Variants in STXBP5L observed in about 807,000 individuals in gnomAD.
The protein encoded by STXBP5L is syntaxin-binding protein 5-like.
STXBP5L carries 65 observed loss-of-function variants against 144.5 expected under a neutral mutation model. That is an observed-to-expected ratio of 0.45 (90% CI 0.37 to 0.55). STXBP5L has a LOEUF of 0.55. STXBP5L is among the 20% of genes least tolerant of loss of function. The pLI is 0.00. For synonymous variants in STXBP5L, 505 were observed against 469.6 expected, an observed-to-expected ratio of 1.08 and a Z score of -0.97; for missense variants, 1,298 against 1,405.5, an observed-to-expected ratio of 0.92 and a Z score of 1.22.
At chr3:121,045,614 C>A in intron 5 of STXBP5L, 79 bp downstream of exon 5, 4 of 1,219,294 alleles carry the variant, frequency 3.3e-6, no homozygotes, top group Non-Finnish European at 4.7e-6. Context: ...ACTTGACAGG[C>A]TTTTTTCCTC....
chr3:121,006,498 C>T (rs946879976), intron 3 of STXBP5L, among the ~76,000 whole-genome samples: 1 of 151,586 alleles, frequency 6.6e-6, no homozygotes, highest in South Asian at 2.1e-4. Context: ...GATCTTGACT[C>T]TATCCACTTT....
rs147451433 is a variant in STXBP5L at position 121,415,755 on chromosome 3, CTG to C, written c.3115-100_3115-99del. The C allele has an allele frequency of 6.2e-3, 3,891 of 626,086 alleles. 103 individuals are homozygous for C. Among genetic ancestry groups the C allele is most frequent in the African/African-American group, 0.061 (3,249 of 53,054 alleles). 38.8% of individuals were successfully genotyped at this position (626,086 alleles called of 1,614,324 possible). On this transcript the variant is annotated intron_variant, in intron 24 of 26. Transcript: ENST00000471454. ...ACCATGAAAATATATGAAAAGCAGA[CTG>C]TTTTTTCATGATGTGTCCTACTATA...
chr3:120,909,442 G>T, intron 1 of STXBP5L, 129 bp from the exon 2 acceptor site: 1 of 765,462 alleles, frequency 1.3e-6, no homozygotes. Flanking sequence ...TTTTTTTCCA[G>T]TCGGTCGTAA....
chr3:121,363,237 C>A (rs77530671), intron 20 of STXBP5L, among the ~76,000 whole-genome samples: 5,425 of 152,208 alleles, frequency 0.036, 146 homozygotes, highest in Middle Eastern at 0.082. Context: ...CCTTGGCTGA[C>A]CCAGCTGGTG....
intron 5 of STXBP5L, among the ~76,000 whole-genome samples, chr3:121,073,283 G>A: frequency 6.6e-6 from 1 of 152,248 alleles, no homozygotes; most frequent in South Asian, 2.1e-4. Context: ...CAGTCTCCAG[G>A]GTTATGTAGG....
At chr3:121,263,752 A>C (rs1214128488) in intron 18 of STXBP5L, among the ~76,000 whole-genome samples, 1 of 152,282 alleles carries the variant, frequency 6.6e-6, no homozygotes, top group Non-Finnish European at 1.5e-5. Flanking sequence ...GCGTGAAGAA[A>C]GGATTAGAGC....
intron 3 of STXBP5L, among the ~76,000 whole-genome samples, chr3:121,008,976 T>C (rs1011287628): frequency 2.0e-5 from 3 of 151,960 alleles, no homozygotes; most frequent in East Asian, 3.8e-4. Context: ...TGAGGAATGA[T>C]ATCATATTGA....
intron 9 of STXBP5L, among the ~76,000 whole-genome samples, chr3:121,174,346 A>G (rs2046848301): frequency 6.6e-6 from 1 of 152,096 alleles, no homozygotes; most frequent in South Asian, 2.1e-4. Context: ...TATTCATGGC[A>G]TAGCTTTTCC....
intron 20 of STXBP5L, among the ~76,000 whole-genome samples, chr3:121,333,390 A>G (rs1413937029): frequency 2.6e-5 from 4 of 152,130 alleles, no homozygotes; most frequent in Non-Finnish European, 2.9e-5. Context: ...TAAGAGGGAA[A>G]TTTATAGCAC....
At chr3:121,137,882 T>C (rs2107926559) in intron 7 of STXBP5L, among the ~76,000 whole-genome samples, 1 of 152,232 alleles carries the variant, frequency 6.6e-6, no homozygotes, top group African/African-American at 2.4e-5. Flanking sequence ...GGTAAGGATG[T>C]CCACTCTTAG....
Position 121,121,723 on chromosome 3 carries a change from T to C in STXBP5L, c.669+19T>C. Reference sequence around the variant, plus strand: ...AGGCAAAGTGAGTATTATGATATCTTTATTATTAGTTTTATTTTCCTCATT... The same window carrying C: ...AGGCAAAGTGAGTATTATGATATCTCTATTATTAGTTTTATTTTCCTCATT... On this transcript the variant is annotated intron_variant, in intron 7 of 26. Coordinates refer to ENST00000471454, the MANE Select transcript of STXBP5L (RefSeq NM_001308330.2). 6.5e-7 allele frequency: 1 copy of C among 1,548,054 alleles called. No homozygotes were observed. Among genetic ancestry groups the C allele is most frequent in the Non-Finnish European group, 8.9e-7 (1 of 1,126,038 alleles).
At chr3:120,938,286 G>A (rs1016660695) in intron 2 of STXBP5L, among the ~76,000 whole-genome samples, 1 of 151,886 alleles carries the variant, frequency 6.6e-6, no homozygotes, top group African/African-American at 2.4e-5. Flanking sequence ...ATGGTTAAGT[G>A]GTTCATAGAA....
chr3:120,996,404 TAGTCA>T (rs1943352542), intron 3 of STXBP5L, among the ~76,000 whole-genome samples: 1 of 152,136 alleles, frequency 6.6e-6, no homozygotes, highest in Non-Finnish European at 1.5e-5. Context: ...CTGATTACTA[TAGTCA>T]AGTCAATTAA....
chr3:121,121,733 T>C, intron 7 of STXBP5L, 29 bp downstream of exon 7: 4 of 1,514,722 alleles, frequency 2.6e-6, no homozygotes, highest in Non-Finnish European at 3.6e-6. Context: ...TTATTATTAG[T>C]TTTATTTTCC....
chr3:121,204,852 C>A (rs1413884479), intron 9 of STXBP5L, among the ~76,000 whole-genome samples: 1 of 152,136 alleles, frequency 6.6e-6, no homozygotes, highest in Non-Finnish European at 1.5e-5. Flanking sequence ...AGCTTCATTT[C>A]TATTTCCTTC....
chr3:121,263,883 C>G (rs914596100), intron 18 of STXBP5L, among the ~76,000 whole-genome samples: 4 of 152,178 alleles, frequency 2.6e-5, no homozygotes, highest in African/African-American at 9.6e-5. Context: ...AGCTGGGAAA[C>G]ACTCTTCAGG....
At chr3:121,323,838 C>T (rs2044057090) in intron 20 of STXBP5L, among the ~76,000 whole-genome samples, 1 of 152,064 alleles carries the variant, frequency 6.6e-6, no homozygotes, top group Admixed American at 6.5e-5. Flanking sequence ...GCTTCACTTA[C>T]CTGGTACAGG....
At chr3:121,135,953 T>C (rs116635069) in intron 7 of STXBP5L, among the ~76,000 whole-genome samples, 2,938 of 152,192 alleles carry the variant, frequency 0.019, 91 homozygotes, top group African/African-American at 0.066. Flanking sequence ...CATGTCCAGG[T>C]GCCAGACAGG....
At chr3:121,379,947 GC>G (rs2046285616) in intron 21 of STXBP5L, among the ~76,000 whole-genome samples, 1 of 152,196 alleles carries the variant, frequency 6.6e-6, no homozygotes, top group African/African-American at 2.4e-5. Flanking sequence ...TGATGCTCCT[GC>G]CTCAGCCTCC....
Sources: allele counts gnomAD v4.1 joint callset (sites outside exome capture counted in the v4.1 genomes callset), GRCh38; gene constraint gnomAD v4.1.1; transcripts MANE v1.5; gene names NCBI Gene and HGNC (gene_info 2026-07-23, HGNC 2026-07-21).